HAPLN2: variants seen among roughly 807,000 people sequenced by gnomAD.
HAPLN2 encodes the protein brain link protein-1.
HAPLN2 carries 27 observed loss-of-function variants against 29.3 expected under a neutral mutation model. The ratio of observed to expected loss-of-function variants is 0.92; its 90% CI spans 0.68 to 1.27. The LOEUF is 1.27. Among genes scored for constraint, HAPLN2 ranks in the 50% most tolerant of loss-of-function variants. The pLI is 0.00. For missense variants in HAPLN2, 454 were observed against 484.3 expected (o/e 0.94, Z 0.59); for synonymous variants, 208 against 211.7 (o/e 0.98, Z 0.15).
chr1:156,608,910 A>T, the HAPLN2 span, among the ~76,000 whole-genome samples: 1 of 152,146 alleles, frequency 6.6e-6, no homozygotes, highest in South Asian at 2.1e-4. Flanking sequence ...ATATTTCCAG[A>T]TACATCAGTA....
In HAPLN2 at chr1:156,625,143, C is replaced by T. The variant is rs1474673285; in HGVS notation, c.782C>T (p.Ala261Val). The change falls in exon 7 of 7, where the codon GCC (alanine) becomes GTC (valine). Residue 261 changes from alanine (A) to valine (V), a missense_variant. Physicochemically the swap from Ala to Val is moderately conservative, Grantham distance 64. This residue lies in a region of HAPLN2 where 235 missense variants were observed against 236.9 expected (regional missense o/e 0.99). Coordinates refer to ENST00000255039, the MANE Select transcript of HAPLN2 (RefSeq NM_021817.3). The surrounding 1 kb of genome is among the most constrained non-coding windows in gnomAD (Gnocchi z 5.7). ...FVPGRLTLSE[A>V]HAACRRRGAV... is the part of the protein sequence containing the mutation. Reference sequence around the variant, plus strand: ...CCCGGGCGGCTGACGCTGTCTGAAGCCCACGCGGCGTGCCGGCGACGCGGC... The same window carrying T: ...CCCGGGCGGCTGACGCTGTCTGAAGTCCACGCGGCGTGCCGGCGACGCGGC... 13 of 1,542,232 alleles carry T rather than the reference C, an allele frequency of 8.4e-6. No homozygotes were observed. Among genetic ancestry groups the T allele is most frequent in the Non-Finnish European group, 1.1e-5 (13 of 1,146,610 alleles).
At chr1:156,613,941 GAAAAAAGAA>G in the HAPLN2 span, among the ~76,000 whole-genome samples, 130 of 142,020 alleles carry the variant, frequency 9.2e-4, 2 homozygotes, top group South Asian at 0.022. Flanking sequence ...AAGAAGAAAA[GAAAAAAGAA>G]AAAAAAGAAA....
chr1:156,611,271 A>G, the HAPLN2 span, among the ~76,000 whole-genome samples: 1 of 149,754 alleles, frequency 6.7e-6, no homozygotes, highest in Non-Finnish European at 1.5e-5. Flanking sequence ...GACCCTAAAA[A>G]AAAAAAAAAA....
chr1:156,624,895 C>G, intron 6 of HAPLN2, 112 bp downstream of exon 6: 1 of 1,311,552 alleles, frequency 7.6e-7, no homozygotes, highest in Non-Finnish European at 1.0e-6. Context: ...CTCCAAGGCA[C>G]CGCCCCCCCA....
At chr1:156,605,598 CA>C in the HAPLN2 span, among the ~76,000 whole-genome samples, 844 of 63,768 alleles carry the variant, frequency 0.013, 7 homozygotes, top group African/African-American at 0.059. Flanking sequence ...GACTTGGTCT[CA>C]AAAAAAAAAA....
At chr1:156,618,696 A>G (rs7539173), upstream of HAPLN2, among the ~76,000 whole-genome samples, 37,046 of 147,992 alleles carry the variant, frequency 0.25, 4,760 homozygotes, top group South Asian at 0.5. Flanking sequence ...GAAGAATGGC[A>G]TGAACCCGGG....
upstream of HAPLN2, among the ~76,000 whole-genome samples, chr1:156,614,391 A>G (rs1678014406): frequency 1.3e-5 from 2 of 152,000 alleles, no homozygotes; most frequent in South Asian, 4.1e-4. Flanking sequence ...CACCCAGCTA[A>G]TTTTTGTAAT....
chr1:156,616,740 G>T (rs936268503), upstream of HAPLN2, among the ~76,000 whole-genome samples: 1 of 152,060 alleles, frequency 6.6e-6, no homozygotes, highest in Non-Finnish European at 1.5e-5. Context: ...GGAGGGAAGC[G>T]CTTAAGAACA....
At chr1:156,612,263 A>C in the HAPLN2 span, among the ~76,000 whole-genome samples, 1 of 152,176 alleles carries the variant, frequency 6.6e-6, no homozygotes, top group Admixed American at 6.6e-5. Flanking sequence ...ACCTCAGGTG[A>C]TCCACCCGCT....
upstream of HAPLN2, among the ~76,000 whole-genome samples, chr1:156,618,473 T>C (rs1312062195): frequency 1.3e-5 from 2 of 150,896 alleles, no homozygotes; most frequent in Non-Finnish European, 1.5e-5. Flanking sequence ...ATAGAGGCCT[T>C]GTCTTAAAAA....
At chr1:156,606,602 C>T in the HAPLN2 span, among the ~76,000 whole-genome samples, 1 of 151,652 alleles carries the variant, frequency 6.6e-6, no homozygotes, top group Admixed American at 6.6e-5. Flanking sequence ...CTCACCTCAG[C>T]CTCCCAAGTA....
chr1:156,616,739 C>G (rs993205272), upstream of HAPLN2, among the ~76,000 whole-genome samples: 1 of 151,966 alleles, frequency 6.6e-6, no homozygotes, highest in African/African-American at 2.4e-5. Context: ...AGGAGGGAAG[C>G]GCTTAAGAAC....
At chr1:156,614,350 G>A (rs923656144), upstream of HAPLN2, among the ~76,000 whole-genome samples, 1 of 151,658 alleles carries the variant, frequency 6.6e-6, no homozygotes, top group African/African-American at 2.4e-5. Flanking sequence ...TCAGCCTCCC[G>A]AGTAGCTGGG....
At chr1:156,616,277 C>T (rs1023978798), upstream of HAPLN2, among the ~76,000 whole-genome samples, 1 of 152,164 alleles carries the variant, frequency 6.6e-6, no homozygotes, top group African/African-American at 2.4e-5. Flanking sequence ...CTTGTCTCAG[C>T]CATCTCACCC....
In HAPLN2 at chr1:156,625,650, C is replaced by G; in HGVS notation, c.*266C>G. Reference sequence around the variant, plus strand: ...GAACCCTAGCAGAGGACTCAGCCACCGCCGGGGGGAGGGTGAGGCGGCCGG... The same window carrying G: ...GAACCCTAGCAGAGGACTCAGCCACGGCCGGGGGGAGGGTGAGGCGGCCGG... On this transcript the variant is annotated 3_prime_UTR_variant, in exon 7 of 7. Transcript: ENST00000255039. This position sits in a 1 kb window ranked among gnomAD's most constrained non-coding sequence, Gnocchi z 5.7. 2.3e-6 allele frequency: 1 copy of G among 432,596 alleles called. No homozygotes were observed. Among genetic ancestry groups the G allele is most frequent in the Non-Finnish European group, 4.1e-6 (1 of 245,970 alleles). 26.8% of individuals were successfully genotyped at this position (432,596 alleles called of 1,614,324 possible). A position where few individuals can be genotyped will look rare whatever the true frequency, so the allele number is the denominator to read the frequency against.
At chr1:156,616,811 G>A (rs1678069538), upstream of HAPLN2, among the ~76,000 whole-genome samples, 3 of 152,176 alleles carry the variant, frequency 2.0e-5, no homozygotes, top group South Asian at 6.2e-4. Context: ...AGTCGGCCGG[G>A]TGCAGTGGCT....
rs116549528 is a variant in HAPLN2, at chr1:156,619,724, G to A, written c.-166+189G>A. Reference sequence around the variant, plus strand: ...TACACCTCTCTGGTTCAAAGGCATCGAGAAAAAATGAAGCACCTCACTTTC... The same window carrying A: ...TACACCTCTCTGGTTCAAAGGCATCAAGAAAAAATGAAGCACCTCACTTTC... On this transcript the variant is annotated intron_variant, in intron 1 of 6. Transcript: ENST00000255039. 6.0e-3 allele frequency among the ~76,000 whole-genome samples: 920 copies of A among 152,164 alleles called. 4 individuals are homozygous for A. Among genetic ancestry groups the A allele is most frequent in the African/African-American group, 0.017 (715 of 41,516 alleles).
Position 156,625,470 on chromosome 1 carries a change from C to T in HAPLN2, c.*86C>T, listed in dbSNP as rs903233743. The T allele has an allele frequency of 8.1e-6, 11 of 1,364,952 alleles. No homozygotes were observed. In the African/African-American group the frequency reaches 1.2e-4, roughly 15 times the overall value. The allele number at this position is 1,364,952 out of a possible 1,614,324, so 84.6% of individuals were successfully genotyped here. ...TCGCCACCCCTTTCCGGAGAGCCTC[C>T]CCTCCCTCCAGACCCGGAGCGGCCT... On this transcript the variant is annotated 3_prime_UTR_variant, in exon 7 of 7. Transcript: ENST00000255039. The surrounding 1 kb of genome is among the most constrained non-coding windows in gnomAD (Gnocchi z 5.7).
At chr1:156,602,564 A>AG in the HAPLN2 span, among the ~76,000 whole-genome samples, 1 of 145,000 alleles carries the variant, frequency 6.9e-6, no homozygotes, top group African/African-American at 2.7e-5. Flanking sequence ...AAAAAAAAAA[A>AG]AAAAAAAAAA....
Sources: allele counts gnomAD v4.1 joint callset (sites outside exome capture counted in the v4.1 genomes callset), GRCh38; gene constraint gnomAD v4.1.1; regional missense constraint gnomAD v4.1.1; non-coding constraint Gnocchi (gnomAD v3.1); transcripts MANE v1.5; gene names NCBI Gene and HGNC (gene_info 2026-07-23, HGNC 2026-07-21).